BTN2A1: variants seen among roughly 807,000 people sequenced by gnomAD.
BTN2A1 encodes the protein butyrophilin, subfamily 2, member A1.
Under a neutral mutation model 34.5 loss-of-function variants are expected in BTN2A1, and 41 were observed. The observed-to-expected ratio is 1.19, with a 90% CI of 0.93 to 1.54. The LOEUF (loss-of-function observed/expected upper bound fraction) is 1.54. Among genes scored for constraint, BTN2A1 ranks in the 40% most tolerant of loss-of-function variants. BTN2A1 has a pLI of 0.00. For synonymous variants in BTN2A1, 267 were observed against 258.6 expected (o/e 1.03, Z -0.31); for missense variants, 642 against 662.0 (o/e 0.97, Z 0.33).
intron 7 of BTN2A1, among the ~76,000 whole-genome samples, 157 bp downstream of exon 7, chr6:26,466,245 G>A (rs1166748631): frequency 1.3e-5 from 2 of 152,148 alleles, no homozygotes; most frequent in African/African-American, 4.8e-5. Flanking sequence ...GATGCATCAT[G>A]TCTCTTCTGT....
In BTN2A1 at chr6:26,468,085, T is replaced by C. The variant is rs1269809105; in HGVS notation, c.1120T>C (p.Cys374Arg). Residue 374 changes from cysteine (C) to arginine (R), a missense_variant, in exon 8 of 8, where the codon TGT becomes CGT. Transcript: ENST00000312541. ...CCCAGAGAGATTCGACAGTCAGCCT[T>C]GTGTCCTAGGCCGGGAGAGCTTCGC... Reference protein sequence around the residue: ...DNPERFDSQPCVLGRESFASG... With the variant: ...DNPERFDSQPRVLGRESFASG... 3.1e-6 allele frequency: 5 copies of C among 1,614,078 alleles called. No individual in the cohort carries two copies. The South Asian group carries it at 4.4e-5, about 14-fold the overall frequency.
At chr6:26,471,456 G>T (rs140716242), downstream of BTN2A1, among the ~76,000 whole-genome samples, 3 of 152,212 alleles carry the variant, frequency 2.0e-5, no homozygotes, top group Non-Finnish European at 4.4e-5. Context: ...GGCCGGGCAC[G>T]GTGGCTCACG....
At position 26,469,581 on chromosome 6, in the gene BTN2A1, TG is replaced by T. The variant is rs1293408604; in HGVS notation, c.*1033del. On this transcript the variant is annotated 3_prime_UTR_variant, in exon 8 of 8. Transcript: ENST00000312541. ...CAATTATAGGTTAATATAAGTAGAA[TG>T]TTTGTGAAAAATAAGTATGGTATCC... 1 of 157,578 alleles carries T rather than the reference TG, an allele frequency of 6.3e-6. No individual in the cohort carries two copies. The highest frequency in any genetic ancestry group is 1.4e-5 in the Non-Finnish European group (1 of 72,950). 9.8% of individuals were successfully genotyped at this position (157,578 alleles called of 1,614,324 possible).
intron 3 of BTN2A1, among the ~76,000 whole-genome samples, chr6:26,460,550 A>G (rs780384826): frequency 1.3e-5 from 2 of 152,204 alleles, no homozygotes; most frequent in Non-Finnish European, 2.9e-5. Flanking sequence ...TGGGATTTCT[A>G]GGAATTTGTT....
intron 3 of BTN2A1, among the ~76,000 whole-genome samples, chr6:26,461,031 T>TGG (rs1476991189): frequency 6.6e-6 from 1 of 152,176 alleles, no homozygotes; most frequent in East Asian, 1.9e-4. Flanking sequence ...ACTAGGGAAT[T>TGG]GGGTCTTTCC....
Position 26,469,240 on chromosome 6 carries a change from C to T in BTN2A1, c.*691C>T. 9.8e-7 allele frequency: 1 copy of T among 1,020,576 alleles called. No homozygotes were observed. Among genetic ancestry groups the T allele is most frequent in the Non-Finnish European group, 1.2e-6 (1 of 850,486 alleles). The allele number at this position is 1,020,576 out of a possible 1,614,324, so 63.2% of individuals were successfully genotyped here. ...CTGCAGTTGGCAAGGAGTCAGTACT[C>T]AGTCCCTGAGTGTGGCTGAAATTTG... On this transcript the variant is annotated 3_prime_UTR_variant, in exon 8 of 8. Transcript: ENST00000312541.
exon 8 of BTN2A1, chr6:26,476,247 G>T: frequency 7.1e-7 from 1 of 1,415,640 alleles, no homozygotes; most frequent in East Asian, 2.5e-5. Context: ...AATGACCAGA[G>T]CACTCCAAGT....
rs776256632 is a variant in BTN2A1 at position 26,459,792 on chromosome 6, TCCTACGATGAGGCCATCCTGCA to T, written c.398_419del (p.Tyr133SerfsTer2). ...CCGCTGTTACTTCCAAGAAGGCAGG[TCCTACGATGAGGCCATCCTGCA>T]CCTCGTAGTGGCAGGTGCGTCGCTT... On this transcript the variant is annotated frameshift_variant, in exon 3 of 8. Coordinates refer to ENST00000312541, the MANE Select transcript of BTN2A1 (RefSeq NM_007049.5). LOFTEE classifies it high-confidence loss of function. 1.9e-6 allele frequency: 3 copies of T among 1,614,056 alleles called. No homozygotes were observed. The Admixed American group carries it at 5.0e-5, about 27-fold the overall frequency.
intron 2 of BTN2A1, 25 bp from the exon 3 acceptor site, chr6:26,459,452 TTGTC>T (rs768849566): frequency 8.7e-6 from 14 of 1,602,558 alleles, no homozygotes; most frequent in Non-Finnish European, 1.2e-5. Context: ...GCTGGTGTCT[TTGTC>T]TGACTCTACC....
exon 8 of BTN2A1, chr6:26,476,173 G>T (rs920362293): frequency 6.5e-7 from 1 of 1,536,288 alleles, no homozygotes; most frequent in Non-Finnish European, 8.7e-7. Flanking sequence ...TGGTGAGTGG[G>T]TGCTGATGGC....
At chr6:26,459,938 T>C (rs2113855191) in intron 3 of BTN2A1, 110 bp downstream of exon 3, 6 of 225,568 alleles carry the variant, frequency 2.7e-5, no homozygotes, top group South Asian at 7.3e-5. Flanking sequence ...CTGGACTCCC[T>C]TTTCCACTCT....
At position 26,468,815 on chromosome 6, in the gene BTN2A1, A is replaced by C; in HGVS notation, c.*266A>C. The C allele has an allele frequency of 6.4e-7, 1 of 1,560,624 alleles. No homozygotes were observed. The highest frequency in any genetic ancestry group is 1.1e-5 in the South Asian group (1 of 89,452). On this transcript the variant is annotated 3_prime_UTR_variant, in exon 8 of 8. Coordinates refer to ENST00000312541, the MANE Select transcript of BTN2A1 (RefSeq NM_007049.5). The stretch of plus-strand genomic sequence containing the variant: ...GTTGTTACACAGCTCCCAGCCAAGA[A>C]GAAAGTGTGAGAAGTTGATGGGCAG...
intron 3 of BTN2A1, among the ~76,000 whole-genome samples, chr6:26,462,117 C>G (rs1016626612): frequency 3.3e-5 from 5 of 152,118 alleles, no homozygotes; most frequent in African/African-American, 1.2e-4. Flanking sequence ...GGAGACTTTA[C>G]AAAGGAATTA....
At chr6:26,467,705 T>G in intron 7 of BTN2A1, 1 of 1,585,516 alleles carries the variant, frequency 6.3e-7, no homozygotes, top group Non-Finnish European at 8.6e-7. Context: ...TGCTAAACTT[T>G]CCGGATTTCT....
chr6:26,476,401 T>C, exon 8 of BTN2A1: 1 of 718,232 alleles, frequency 1.4e-6, no homozygotes, highest in Non-Finnish European at 2.6e-6. Context: ...AACTCCGGCT[T>C]GCCCAGATGT....
intron 2 of BTN2A1, 52 bp from the exon 3 acceptor site, chr6:26,459,429 T>TA: frequency 1.9e-6 from 3 of 1,574,126 alleles, no homozygotes; most frequent in Non-Finnish European, 2.6e-6. Context: ...TTTCTTGCCT[T>TA]AGAGATGTGA....
At chr6:26,464,164 C>G (rs886403504) in intron 4 of BTN2A1, among the ~76,000 whole-genome samples, 1 of 152,124 alleles carries the variant, frequency 6.6e-6, no homozygotes, top group African/African-American at 2.4e-5. Flanking sequence ...AAGTGACTCT[C>G]TACACTTGGT....
intron 3 of BTN2A1, 111 bp downstream of exon 3, chr6:26,459,939 T>TATCCACAGGGAGA: frequency 4.3e-6 from 1 of 230,224 alleles, no homozygotes. Flanking sequence ...TGGACTCCCT[T>TATCCACAGGGAGA]TTCCACTCTC....
intron 3 of BTN2A1, among the ~76,000 whole-genome samples, chr6:26,460,307 C>T (rs1257385709): frequency 6.6e-6 from 1 of 152,124 alleles, no homozygotes; most frequent in Non-Finnish European, 1.5e-5. Context: ...ACTGATTACC[C>T]AGAGAACTAC....
Sources: gnomAD v4.1 joint callset for allele counts (sites outside exome capture counted in the v4.1 genomes callset) on GRCh38, gnomAD v4.1.1 for gene constraint, MANE v1.5 for transcripts, NCBI Gene and HGNC (gene_info 2026-07-23, HGNC 2026-07-21) for gene names.